Variants in CSE1L observed in about 807,000 individuals in gnomAD.
CSE1L encodes exportin-2.
A neutral mutation model predicts 120.4 loss-of-function variants in CSE1L; 24 were observed. That is an observed-to-expected ratio of 0.20 (90% confidence interval 0.14 to 0.28). The LOEUF is 0.28. Among genes scored for constraint, CSE1L ranks in the 10% least tolerant of loss-of-function variants. The probability of loss-of-function intolerance (pLI) is 1.00; values close to 1 mark genes in which losing one functional copy is unlikely to be tolerated. For missense variants in CSE1L, 830 were observed against 1,145.2 expected (o/e 0.72, Z 3.97); for synonymous variants, 402 against 398.3 (o/e 1.01, Z -0.11).
intron 1 of CSE1L, among the ~76,000 whole-genome samples, chr20:49,053,449 C>T (rs1166072193): frequency 6.7e-6 from 1 of 149,278 alleles, no homozygotes; most frequent in Admixed American, 6.8e-5. Context: ...ACCTTTGCCT[C>T]CCAGGTTCAA....
At chr20:49,065,304 G>T (rs1600599720) in intron 3 of CSE1L, among the ~76,000 whole-genome samples, 1 of 73,162 alleles carries the variant, frequency 1.4e-5, no homozygotes, top group Non-Finnish European at 2.8e-5. Flanking sequence ...CATATGAAAT[G>T]AAAAAAAAAT....
At chr20:49,079,012 C>G (rs936124501) in intron 14 of CSE1L, among the ~76,000 whole-genome samples, 13 of 152,010 alleles carry the variant, frequency 8.6e-5, no homozygotes, top group Non-Finnish European at 1.6e-4. Flanking sequence ...CTGTCTCAGC[C>G]TCCCAAATAG....
At chr20:49,056,162 A>G (rs1270087486) in intron 1 of CSE1L, among the ~76,000 whole-genome samples, 8 of 151,518 alleles carry the variant, frequency 5.3e-5, no homozygotes, top group Non-Finnish European at 1.0e-4. Context: ...GCTGGAGTGC[A>G]GTGGCACAAT....
At chr20:49,068,234 T>G (rs1213617835) in intron 6 of CSE1L, among the ~76,000 whole-genome samples, 2 of 152,290 alleles carry the variant, frequency 1.3e-5, no homozygotes, top group African/African-American at 4.8e-5. Context: ...AGTGCCATTA[T>G]GAACAGTTCA....
At chr20:49,056,965 C>T (rs1447904241) in intron 1 of CSE1L, among the ~76,000 whole-genome samples, 2 of 151,862 alleles carry the variant, frequency 1.3e-5, no homozygotes, top group Non-Finnish European at 2.9e-5. Context: ...TACAATAAAT[C>T]TCTTGAACTG....
chr20:49,074,674 C>A (rs2075676), intron 10 of CSE1L, 111 bp from the exon 11 acceptor site: 234,453 of 738,542 alleles, frequency 0.32, 39,035 homozygotes, highest in African/African-American at 0.52. Flanking sequence ...CTGATGGGAA[C>A]GAATTCTTTG....
At chr20:49,069,604 A>G (rs2091917548) in intron 7 of CSE1L, among the ~76,000 whole-genome samples, 4 of 152,218 alleles carry the variant, frequency 2.6e-5, no homozygotes, top group African/African-American at 4.8e-5. Context: ...CCAAAAGGAC[A>G]TGTCCCACAT....
chr20:49,061,137 CAAAG>C (rs966200899), intron 2 of CSE1L, among the ~76,000 whole-genome samples: 38 of 149,898 alleles, frequency 2.5e-4, no homozygotes, highest in African/African-American at 9.3e-4. Flanking sequence ...CTTAGACTTT[CAAAG>C]AAAGCTGTTG....
Position 49,046,432 on chromosome 20 carries a change from C to T in CSE1L, c.-12+9C>T, listed in dbSNP as rs2123621879. 1 of 152,462 alleles carries T rather than the reference C, an allele frequency of 6.6e-6. No homozygotes were observed. The highest frequency in any genetic ancestry group is 3.4e-3 in the Middle Eastern group (1 of 294). 9.4% of individuals were successfully genotyped at this position (152,462 alleles called of 1,614,324 possible). A position where few individuals can be genotyped will look rare whatever the true frequency, so the allele number is the denominator to read the frequency against. On this transcript the variant is annotated intron_variant, in intron 1 of 24. Transcript: ENST00000262982. ...TTCTGTATCCCCACGAGGTGAGGCGCGGGGCGTGCACGGCCTACCAGAGTG... is the reference window on the plus strand; with the variant it reads ...TTCTGTATCCCCACGAGGTGAGGCGTGGGGCGTGCACGGCCTACCAGAGTG...
At chr20:49,089,794 A>G in intron 19 of CSE1L, 48 bp downstream of exon 19, 1 of 1,549,988 alleles carries the variant, frequency 6.5e-7, no homozygotes, top group African/African-American at 1.4e-5. Context: ...TAGCTTGGAG[A>G]AACTGGGGAT....
chr20:49,066,548 T>C, intron 5 of CSE1L, 38 bp downstream of exon 5: 1 of 1,551,880 alleles, frequency 6.4e-7, no homozygotes. Flanking sequence ...AAATACTTTC[T>C]AAAGTTTTAT....
intron 14 of CSE1L, among the ~76,000 whole-genome samples, chr20:49,083,771 T>C (rs946285362): frequency 6.6e-6 from 1 of 152,172 alleles, no homozygotes; most frequent in African/African-American, 2.4e-5. Flanking sequence ...ATATTATTAT[T>C]TTATGGTATG....
At chr20:49,085,117 A>G (rs1352856963) in intron 15 of CSE1L, among the ~76,000 whole-genome samples, 166 bp from the exon 16 acceptor site, 1 of 152,206 alleles carries the variant, frequency 6.6e-6, no homozygotes, top group African/African-American at 2.4e-5. Flanking sequence ...GGAGCCTAAC[A>G]TGAGCACATG....
At chr20:49,094,688 A>T (rs779374278) in intron 23 of CSE1L, 44 bp from the exon 24 acceptor site, 1 of 1,365,692 alleles carries the variant, frequency 7.3e-7, no homozygotes, top group South Asian at 1.2e-5. Context: ...AAGTCTTCCG[A>T]GTATTTTCTT....
Position 49,084,007 on chromosome 20 carries a change from A to G in CSE1L, c.1483-19A>G. On this transcript the variant is annotated intron_variant, in intron 14 of 24. Transcript: ENST00000262982. ...TGGAATCATTGCATTTAGAGCATGT[A>G]TATTATTGTGTTTTTTAGGTGCCAA... The G allele has an allele frequency of 2.5e-6, 4 of 1,608,082 alleles. No individual in the cohort carries two copies. Among genetic ancestry groups the G allele is most frequent in the Non-Finnish European group, 3.4e-6 (4 of 1,174,974 alleles).
chr20:49,049,266 TGGGCTGACC>T (rs1250698697), intron 1 of CSE1L, among the ~76,000 whole-genome samples: 3 of 123,844 alleles, frequency 2.4e-5, no homozygotes, highest in Non-Finnish European at 5.0e-5. Flanking sequence ...CTGTGTTGCC[TGGGCTGACC>T]TGGGCTCAGT....
At chr20:49,064,280 A>G (rs145761498) in intron 3 of CSE1L, among the ~76,000 whole-genome samples, 1 of 152,384 alleles carries the variant, frequency 6.6e-6, no homozygotes, top group East Asian at 1.9e-4. Context: ...GACAAAAATC[A>G]TCAGTTTATC....
At chr20:49,094,312 G>A in intron 23 of CSE1L, 26 bp downstream of exon 23, 1 of 1,597,082 alleles carries the variant, frequency 6.3e-7, no homozygotes, top group Non-Finnish European at 8.5e-7. Flanking sequence ...TAATATTTTT[G>A]TAAGTTACAG....
chr20:49,065,450 GTAGT>G (rs1302614830), intron 3 of CSE1L, among the ~76,000 whole-genome samples: 2 of 149,978 alleles, frequency 1.3e-5, no homozygotes, highest in African/African-American at 2.5e-5. Flanking sequence ...AGCCTCCTGA[GTAGT>G]TAGTGTTACA....
Sources: allele counts gnomAD v4.1 joint callset (sites outside exome capture counted in the v4.1 genomes callset), GRCh38; gene constraint gnomAD v4.1.1; transcripts MANE v1.5; gene names NCBI Gene and HGNC (gene_info 2026-07-23, HGNC 2026-07-21).